The following GRIK4 variants were observed in gnomAD, a reference collection of about 807,000 sequenced individuals.
The protein encoded by GRIK4 is glutamate receptor ionotropic, kainate 4.
GRIK4 carries 40 observed loss-of-function variants against 104.9 expected under a neutral mutation model. The observed-to-expected ratio is 0.38, with a 90% CI of 0.30 to 0.50. GRIK4 has a LOEUF of 0.50. Among genes scored for constraint, GRIK4 ranks in the 20% least tolerant of loss-of-function variants. The pLI is 0.93. For synonymous variants in GRIK4, 485 were observed against 524.9 expected (o/e 0.92, Z 1.04); for missense variants, 1,047 against 1,308.1 (o/e 0.80, Z 3.08).
chr11:120,678,260 A>C (rs911506713), intron 3 of GRIK4, among the ~76,000 whole-genome samples: 2 of 152,176 alleles, frequency 1.3e-5, no homozygotes, highest in Non-Finnish European at 2.9e-5. Context: ...TTTCCTTTTC[A>C]GACACTTGAG....
chr11:120,543,088 A>T (rs1221145003), intron 1 of GRIK4, among the ~76,000 whole-genome samples: 1 of 152,194 alleles, frequency 6.6e-6, no homozygotes, highest in African/African-American at 2.4e-5. Flanking sequence ...GTTGGTGGGA[A>T]TGTAAATTGG....
At chr11:120,979,367 G>T (rs1348329392) in intron 19 of GRIK4, among the ~76,000 whole-genome samples, 1 of 152,152 alleles carries the variant, frequency 6.6e-6, no homozygotes, top group East Asian at 1.9e-4. Context: ...ACAGCCAGTT[G>T]TAAGTTAACT....
intron 3 of GRIK4, among the ~76,000 whole-genome samples, chr11:120,765,370 G>A (rs903565198): frequency 7.9e-5 from 12 of 151,636 alleles, no homozygotes; most frequent in African/African-American, 1.2e-4. Context: ...ACCTTTTATC[G>A]AGGTTCTTAG....
chr11:120,736,584 T>C (rs1415362392), intron 3 of GRIK4, among the ~76,000 whole-genome samples: 2 of 152,206 alleles, frequency 1.3e-5, no homozygotes, highest in African/African-American at 2.4e-5. Flanking sequence ...GGATGTATAA[T>C]GTAGGATAAA....
intron 3 of GRIK4, among the ~76,000 whole-genome samples, chr11:120,663,847 A>G (rs1235179735): frequency 6.6e-6 from 1 of 152,082 alleles, no homozygotes; most frequent in Non-Finnish European, 1.5e-5. Flanking sequence ...ATCAGCTTAA[A>G]TGGCTCTTCC....
At chr11:120,817,360 G>T (rs1417477553) in intron 5 of GRIK4, among the ~76,000 whole-genome samples, 1 of 152,204 alleles carries the variant, frequency 6.6e-6, no homozygotes, top group South Asian at 2.1e-4. Context: ...ACTGCCCTGG[G>T]AGTGGCCAGA....
At chr11:120,945,620 A>G (rs953563199) in intron 14 of GRIK4, among the ~76,000 whole-genome samples, 25 of 152,336 alleles carry the variant, frequency 1.6e-4, no homozygotes, top group Middle Eastern at 3.4e-3. Context: ...TTACAGGGCC[A>G]GTATTCTAGG....
chr11:120,710,516 G>C (rs1364653692), intron 3 of GRIK4, among the ~76,000 whole-genome samples: 3 of 152,100 alleles, frequency 2.0e-5, no homozygotes, highest in East Asian at 3.9e-4. Flanking sequence ...GGGCATAACG[G>C]CCCCCCCATT....
Position 120,755,735 on chromosome 11 carries a change from G to A in GRIK4, c.83-46958G>A, listed in dbSNP as rs113873343. Among the ~76,000 whole-genome samples the A allele has an allele frequency of 4.9e-3, 743 of 152,222 alleles. 7 individuals are homozygous for A. Among genetic ancestry groups the A allele is most frequent in the African/African-American group, 0.017 (713 of 41,542 alleles). On this transcript the variant is annotated intron_variant, in intron 3 of 20. Transcript: ENST00000527524. ...GAGCCTGCTTGTGAAGGTCCCTCAA[G>A]CCTTTATGGCTTTTATTTCCATGCT...
At position 120,766,238 on chromosome 11, in the gene GRIK4, C is replaced by T. The variant is rs184100605; in HGVS notation, c.83-36455C>T. On this transcript the variant is annotated intron_variant, in intron 3 of 20. Transcript: ENST00000527524. Reference sequence around the variant, plus strand: ...CCACCCAGTCCAAATTTCCCAGCGGCTTTGTTTACACTGTAAGGGGAAAAC... The same window carrying T: ...CCACCCAGTCCAAATTTCCCAGCGGTTTTGTTTACACTGTAAGGGGAAAAC... 3.0e-3 allele frequency among the ~76,000 whole-genome samples: 453 copies of T among 152,344 alleles called. 2 individuals are homozygous for T. The highest frequency in any genetic ancestry group is 5.0e-3 in the Non-Finnish European group (337 of 68,038).
At chr11:120,694,982 T>G (rs1266441796) in intron 3 of GRIK4, among the ~76,000 whole-genome samples, 16 of 152,152 alleles carry the variant, frequency 1.1e-4, no homozygotes, top group Admixed American at 1.0e-3. Context: ...CTTTTCCCCT[T>G]CAGAGCATTT....
intron 1 of GRIK4, among the ~76,000 whole-genome samples, chr11:120,623,888 C>G (rs1949220540): frequency 6.6e-6 from 1 of 152,126 alleles, no homozygotes; most frequent in Admixed American, 6.5e-5. Flanking sequence ...TCCTGCTGCC[C>G]TCCGTGGCAC....
At chr11:120,851,561 A>G (rs1404957752) in intron 8 of GRIK4, among the ~76,000 whole-genome samples, 1 of 152,176 alleles carries the variant, frequency 6.6e-6, no homozygotes, top group Non-Finnish European at 1.5e-5. Context: ...TGTGCTTATC[A>G]TTCTATTTCT....
chr11:120,674,814 G>C (rs192611645), intron 3 of GRIK4, among the ~76,000 whole-genome samples: 1 of 152,336 alleles, frequency 6.6e-6, no homozygotes, highest in African/African-American at 2.4e-5. Flanking sequence ...CTGTTATGGA[G>C]CTGCTCCAAG....
At chr11:120,524,000 C>T (rs1354995214) in intron 1 of GRIK4, among the ~76,000 whole-genome samples, 2 of 151,634 alleles carry the variant, frequency 1.3e-5, no homozygotes, top group Non-Finnish European at 2.9e-5. Context: ...GATCTCGGCT[C>T]ACTGCAACCT....
At chr11:120,895,163 G>A (rs1422539326) in intron 11 of GRIK4, among the ~76,000 whole-genome samples, 1 of 152,096 alleles carries the variant, frequency 6.6e-6, no homozygotes, top group Non-Finnish European at 1.5e-5. Flanking sequence ...GTCAGACCAG[G>A]GAGTCTGGGG....
chr11:120,702,083 G>A (rs982037171), intron 3 of GRIK4, among the ~76,000 whole-genome samples: 1 of 151,390 alleles, frequency 6.6e-6, no homozygotes, highest in Non-Finnish European at 1.5e-5. Context: ...AGCCACCCGA[G>A]TAGCTGGGAC....
chr11:120,636,521 G>C (rs1949398592), intron 1 of GRIK4, among the ~76,000 whole-genome samples: 2 of 152,174 alleles, frequency 1.3e-5, no homozygotes, highest in South Asian at 2.1e-4. Context: ...GAGTCTTGGG[G>C]ATCAGTTCGG....
chr11:120,814,328 G>A lies in GRIK4; in HGVS notation c.248-1050G>A, dbSNP rs531354755. Among the ~76,000 whole-genome samples the A allele has an allele frequency of 1.3e-4, 20 of 152,288 alleles. No individual in the cohort carries two copies. In the East Asian group the frequency reaches 1.9e-3, roughly 15 times the overall value. On this transcript the variant is annotated intron_variant, in intron 4 of 20. Coordinates refer to ENST00000527524, the MANE Select transcript of GRIK4 (RefSeq NM_014619.5). ...CTAAAGGAGCCCAGTGGTGGGGTGC[G>A]GTGGCTCATGCCTGTAATCCCAGCA...
Sources: gnomAD v4.1 joint callset for allele counts (sites outside exome capture counted in the v4.1 genomes callset) on GRCh38, gnomAD v4.1.1 for gene constraint, MANE v1.5 for transcripts, NCBI Gene and HGNC (gene_info 2026-07-23, HGNC 2026-07-21) for gene names.